The following TASP1 variants were observed in gnomAD, a reference collection of about 807,000 sequenced individuals.
The protein encoded by TASP1 is taspase 1.
Under a neutral mutation model 56.6 loss-of-function variants are expected in TASP1, and 16 were observed. That is an observed-to-expected ratio of 0.28 (90% CI 0.19 to 0.43). The LOEUF (loss-of-function observed/expected upper bound fraction) is 0.43. Ranked by LOEUF, TASP1 falls within the 20% of genes least tolerant of loss-of-function variation. TASP1 has a pLI of 1.00. For synonymous variants in TASP1, 179 were observed against 184.2 expected, an observed-to-expected ratio of 0.97 and a Z score of 0.23; for missense variants, 393 against 511.6, an observed-to-expected ratio of 0.77 and a Z score of 2.24.
chr20:13,341,106 C>T, the TASP1 span, among the ~76,000 whole-genome samples: 19 of 152,272 alleles, frequency 1.2e-4, no homozygotes, highest in African/African-American at 3.6e-4. Flanking sequence ...TAGCTATCAA[C>T]CACATTGAGA....
chr20:13,351,288 C>T, the TASP1 span, among the ~76,000 whole-genome samples: 1 of 152,182 alleles, frequency 6.6e-6, no homozygotes, highest in Non-Finnish European at 1.5e-5. Flanking sequence ...ATTAATTAAA[C>T]ATATACTTAC....
intron 12 of TASP1, among the ~76,000 whole-genome samples, chr20:13,425,135 T>C (rs139695997): frequency 1.3e-5 from 2 of 152,324 alleles, no homozygotes; most frequent in Non-Finnish European, 2.9e-5. Context: ...AGTAAATTTA[T>C]ATGCCCAACA....
the TASP1 span, among the ~76,000 whole-genome samples, chr20:13,209,123 G>A: frequency 6.6e-6 from 1 of 152,128 alleles, no homozygotes; most frequent in Non-Finnish European, 1.5e-5. Flanking sequence ...TGAAGTTGTT[G>A]TTCTTTCAGC....
At chr20:13,110,484 G>T in the TASP1 span, among the ~76,000 whole-genome samples, 1 of 152,172 alleles carries the variant, frequency 6.6e-6, no homozygotes, top group East Asian at 1.9e-4. Flanking sequence ...GCTAACTTGA[G>T]TTGATCTTTC....
the TASP1 span, among the ~76,000 whole-genome samples, chr20:13,259,371 C>T: frequency 6.6e-6 from 1 of 152,046 alleles, no homozygotes; most frequent in Non-Finnish European, 1.5e-5. Flanking sequence ...CCACTTTCTA[C>T]TTTGCATTTT....
At chr20:13,213,001 G>A in the TASP1 span, among the ~76,000 whole-genome samples, 7 of 152,100 alleles carry the variant, frequency 4.6e-5, no homozygotes, top group South Asian at 2.1e-4. Flanking sequence ...CCAGCCAGTC[G>A]CAAAGCTATT....
At chr20:13,585,510 CAAAT>C (rs1249774129) in intron 5 of TASP1, among the ~76,000 whole-genome samples, 2 of 151,952 alleles carry the variant, frequency 1.3e-5, no homozygotes, top group Non-Finnish European at 2.9e-5. Context: ...AAGATATAAT[CAAAT>C]AAAAATCTGC....
intron 10 of TASP1, among the ~76,000 whole-genome samples, chr20:13,509,988 T>C (rs1431520033): frequency 6.6e-6 from 1 of 152,188 alleles, no homozygotes. Flanking sequence ...CTGGGTACTA[T>C]GCTTATTACC....
chr20:13,435,202 A>C (rs775645826), intron 11 of TASP1, 48 bp from the exon 12 acceptor site: 15 of 1,384,436 alleles, frequency 1.1e-5, no homozygotes, highest in African/African-American at 5.9e-5. Flanking sequence ...TTTACTTTTT[A>C]AATTTTCAAT....
chr20:13,140,268 G>A, the TASP1 span, among the ~76,000 whole-genome samples: 2 of 152,076 alleles, frequency 1.3e-5, no homozygotes, highest in Non-Finnish European at 1.5e-5. Flanking sequence ...AACATGAACT[G>A]ATTAGGCTAA....
the TASP1 span, among the ~76,000 whole-genome samples, chr20:13,203,130 G>A: frequency 1.3e-5 from 2 of 152,132 alleles, no homozygotes; most frequent in African/African-American, 4.8e-5. Flanking sequence ...TTAACTACAT[G>A]CACAAAAGCT....
At chr20:13,388,804 T>C (rs1379345289), downstream of TASP1, among the ~76,000 whole-genome samples, 1 of 152,214 alleles carries the variant, frequency 6.6e-6, no homozygotes, top group African/African-American at 2.4e-5. Flanking sequence ...ACAAATGTAA[T>C]TGCCTGTACC....
intron 4 of TASP1, among the ~76,000 whole-genome samples, chr20:13,591,404 C>T (rs983504059): frequency 3.9e-5 from 6 of 151,970 alleles, no homozygotes; most frequent in African/African-American, 1.4e-4. Flanking sequence ...TGGTCAGAAA[C>T]AATGCAAGAC....
the TASP1 span, among the ~76,000 whole-genome samples, chr20:13,303,600 AGAGGGCTTAAGAGTTT>A: frequency 6.6e-6 from 1 of 152,244 alleles, no homozygotes; most frequent in East Asian, 1.9e-4. Flanking sequence ...GGCAATGTGC[AGAGGGCTTAAGAGTTT>A]GAGGGTTCAG....
intron 7 of TASP1, among the ~76,000 whole-genome samples, chr20:13,563,307 CA>C (rs986060728): frequency 5.4e-5 from 8 of 147,852 alleles, no homozygotes; most frequent in East Asian, 4.0e-4. Flanking sequence ...ACTCTCCCGG[CA>C]AAAAAAAAAT....
At chr20:13,374,510 G>A in the TASP1 span, among the ~76,000 whole-genome samples, 10 of 152,058 alleles carry the variant, frequency 6.6e-5, no homozygotes, top group Admixed American at 4.6e-4. Context: ...CACCGCGCCC[G>A]GCTAATTTTT....
chr20:13,473,340 G>A (rs529473803), intron 11 of TASP1, among the ~76,000 whole-genome samples: 1 of 152,050 alleles, frequency 6.6e-6, no homozygotes, highest in South Asian at 2.1e-4. Context: ...CCTGTTGTGG[G>A]GTGGGGGGAT....
the TASP1 span, among the ~76,000 whole-genome samples, chr20:13,247,060 A>C: frequency 1.3e-5 from 2 of 152,168 alleles, no homozygotes. Flanking sequence ...ACATGGTGAA[A>C]CCCCGTCTCT....
intron 11 of TASP1, among the ~76,000 whole-genome samples, chr20:13,462,330 T>C (rs968663611): frequency 5.9e-5 from 9 of 152,182 alleles, no homozygotes; most frequent in African/African-American, 1.9e-4. Flanking sequence ...GAACTTCTAA[T>C]TGTATTTAAT....
Sources: allele counts gnomAD v4.1 joint callset (sites outside exome capture counted in the v4.1 genomes callset), GRCh38; gene constraint gnomAD v4.1.1; transcripts MANE v1.5; gene names NCBI Gene and HGNC (gene_info 2026-07-23, HGNC 2026-07-21).